Variants in FRMD4A observed in about 807,000 individuals in gnomAD.
The protein encoded by FRMD4A is FERM domain containing 4A.
A neutral mutation model predicts 129.1 loss-of-function variants in FRMD4A; 29 were observed. That is an observed-to-expected ratio of 0.22 (90% CI 0.17 to 0.31). FRMD4A has a LOEUF of 0.31. Ranked by LOEUF, FRMD4A falls within the 10% of genes least tolerant of loss-of-function variation. The pLI is 1.00. For missense variants in FRMD4A, 1,272 were observed against 1,375.8 expected, an observed-to-expected ratio of 0.92 and a Z score of 1.19; for synonymous variants, 634 against 571.6, an observed-to-expected ratio of 1.11 and a Z score of -1.56.
intron 2 of FRMD4A, among the ~76,000 whole-genome samples, chr10:14,022,915 A>G (rs1447330176): frequency 6.6e-6 from 1 of 152,150 alleles, no homozygotes; most frequent in East Asian, 1.9e-4. Flanking sequence ...GTATTGAAAT[A>G]AAACAGTTCC....
intron 15 of FRMD4A, 107 bp downstream of exon 15, chr10:13,693,791 C>A: frequency 8.5e-7 from 1 of 1,175,832 alleles, no homozygotes; most frequent in Non-Finnish European, 1.2e-6. Context: ...AGCTTTGGAG[C>A]AGCTTGCCCT....
intron 2 of FRMD4A, among the ~76,000 whole-genome samples, chr10:14,270,076 G>A (rs1845111712): frequency 6.6e-6 from 1 of 152,182 alleles, no homozygotes; most frequent in South Asian, 2.1e-4. Flanking sequence ...TGGGACTTCA[G>A]GAAGAAAACC....
At chr10:13,784,623 C>T (rs1360406564) in intron 5 of FRMD4A, among the ~76,000 whole-genome samples, 1 of 152,152 alleles carries the variant, frequency 6.6e-6, no homozygotes, top group Non-Finnish European at 1.5e-5. Context: ...GATACAGGAC[C>T]TCATGTGTCT....
intron 2 of FRMD4A, among the ~76,000 whole-genome samples, chr10:14,310,509 G>T (rs1427142183): frequency 1.3e-5 from 2 of 152,146 alleles, no homozygotes; most frequent in African/African-American, 4.8e-5. Flanking sequence ...AATGCTGGCC[G>T]CTGTGCCAAT....
chr10:13,968,685 C>T (rs1169341560), intron 2 of FRMD4A, among the ~76,000 whole-genome samples: 5 of 152,320 alleles, frequency 3.3e-5, no homozygotes, highest in Admixed American at 2.6e-4. Context: ...AACTCATGAC[C>T]TCAGGTGATC....
intron 2 of FRMD4A, among the ~76,000 whole-genome samples, chr10:14,005,938 C>A (rs1366186418): frequency 6.6e-6 from 1 of 152,180 alleles, no homozygotes; most frequent in East Asian, 1.9e-4. Context: ...TCATTAGATG[C>A]TGTGAGACAA....
At chr10:14,022,802 C>T (rs780242295) in intron 2 of FRMD4A, among the ~76,000 whole-genome samples, 31 of 152,082 alleles carry the variant, frequency 2.0e-4, no homozygotes, top group Non-Finnish European at 3.8e-4. Flanking sequence ...TGGAGTGCAT[C>T]TTGGAGCTGG....
At chr10:14,207,600 TAAAG>T (rs1460345000) in intron 2 of FRMD4A, among the ~76,000 whole-genome samples, 2 of 151,878 alleles carry the variant, frequency 1.3e-5, no homozygotes, top group African/African-American at 4.8e-5. Context: ...CTGCAAGAGT[TAAAG>T]AAAATACACC....
chr10:13,778,382 AC>A (rs78392573), intron 6 of FRMD4A, among the ~76,000 whole-genome samples: 2,658 of 152,106 alleles, frequency 0.017, 99 homozygotes, highest in South Asian at 0.12. Context: ...ATTCGGCAAA[AC>A]CCCAAAATGC....
intron 2 of FRMD4A, 38 bp from the exon 3 acceptor site, chr10:13,858,950 G>C: frequency 7.8e-7 from 1 of 1,289,274 alleles, no homozygotes; most frequent in Non-Finnish European, 1.1e-6. Context: ...TGAGAGTCTA[G>C]CAGCCAGACA....
intron 2 of FRMD4A, among the ~76,000 whole-genome samples, chr10:13,958,025 TTCTTCCTCTGA>T (rs2095420318): frequency 6.6e-6 from 1 of 152,178 alleles, no homozygotes; most frequent in African/African-American, 2.4e-5. Flanking sequence ...CACAGCTTGC[TTCTTCCTCTGA>T]AATCCAGTGG....
intron 2 of FRMD4A, among the ~76,000 whole-genome samples, chr10:14,316,920 A>G (rs897671873): frequency 2.0e-5 from 3 of 152,184 alleles, no homozygotes; most frequent in African/African-American, 7.2e-5. Flanking sequence ...TCTTAATGAG[A>G]GTCAATATGC....
intron 16 of FRMD4A, among the ~76,000 whole-genome samples, chr10:13,672,142 A>G (rs1483265575): frequency 6.6e-6 from 1 of 152,216 alleles, no homozygotes; most frequent in Non-Finnish European, 1.5e-5. Context: ...GAGCATAAAC[A>G]CATACTCCGT....
chr10:14,266,323 C>G (rs1053593742), intron 2 of FRMD4A, among the ~76,000 whole-genome samples: 1 of 152,122 alleles, frequency 6.6e-6, no homozygotes, highest in African/African-American at 2.4e-5. Flanking sequence ...AAATAGCCCC[C>G]AATTAAGAAC....
At chr10:13,648,499 C>CAGGGGA (rs1241737094) in intron 24 of FRMD4A, 2 of 152,182 alleles carry the variant, frequency 1.3e-5, no homozygotes, top group African/African-American at 2.4e-5. Flanking sequence ...CCGTGGGGGC[C>CAGGGGA]AGGGGACAAG....
intron 2 of FRMD4A, among the ~76,000 whole-genome samples, chr10:13,906,478 G>A (rs548464220): frequency 6.6e-6 from 1 of 152,246 alleles, no homozygotes; most frequent in Non-Finnish European, 1.5e-5. Flanking sequence ...GGGTTGCATT[G>A]TGTAATGTAT....
chr10:14,033,635 A>G (rs577686897), intron 2 of FRMD4A, among the ~76,000 whole-genome samples: 1 of 152,038 alleles, frequency 6.6e-6, no homozygotes, highest in Non-Finnish European at 1.5e-5. Flanking sequence ...AAATACAAAA[A>G]TTAGCTGGGC....
At chr10:14,136,539 C>G (rs139938745) in intron 2 of FRMD4A, among the ~76,000 whole-genome samples, 2 of 152,168 alleles carry the variant, frequency 1.3e-5, no homozygotes, top group Admixed American at 1.3e-4. Context: ...AGTGACTATT[C>G]CTCTACCCCC....
intron 2 of FRMD4A, among the ~76,000 whole-genome samples, chr10:14,150,045 T>G (rs1589080502): frequency 6.6e-6 from 1 of 151,998 alleles, no homozygotes; most frequent in African/African-American, 2.4e-5. Context: ...GGAGAGAGTG[T>G]GAAGAAGGAA....
Sources: allele counts gnomAD v4.1 joint callset (sites outside exome capture counted in the v4.1 genomes callset), GRCh38; gene constraint gnomAD v4.1.1; transcripts MANE v1.5; gene names NCBI Gene and HGNC (gene_info 2026-07-23, HGNC 2026-07-21).